The following RAPGEF5 variants were observed in gnomAD, a reference collection of about 807,000 sequenced individuals.
RAPGEF5 encodes Rap guanine nucleotide exchange factor 5.
Under a neutral mutation model 125.2 loss-of-function variants are expected in RAPGEF5, and 65 were observed. That is an observed-to-expected ratio of 0.52 (90% CI 0.43 to 0.64). The LOEUF (loss-of-function observed/expected upper bound fraction) is 0.64, where lower values mean the gene tolerates loss of function less well. Among genes scored for constraint, RAPGEF5 ranks in the 30% least tolerant of loss-of-function variants. RAPGEF5 has a pLI of 0.00. For missense variants in RAPGEF5, 958 were observed against 1,048.1 expected (o/e 0.91, Z 1.19); for synonymous variants, 391 against 385.9 (o/e 1.01, Z -0.16).
At chr7:22,171,660 G>A (rs760972415) in intron 11 of RAPGEF5, among the ~76,000 whole-genome samples, 1 of 152,076 alleles carries the variant, frequency 6.6e-6, no homozygotes, top group African/African-American at 2.4e-5. Context: ...TACCACGCCC[G>A]GCTAATTTTT....
intron 5 of RAPGEF5, among the ~76,000 whole-genome samples, chr7:22,297,439 G>A (rs555037018): frequency 4.6e-5 from 7 of 152,280 alleles, no homozygotes; most frequent in African/African-American, 1.4e-4. Flanking sequence ...GGAAAAAGAG[G>A]TAAGAGGGGA....
chr7:22,282,934 A>AATAT (rs1782707813), intron 6 of RAPGEF5, among the ~76,000 whole-genome samples: 1 of 152,144 alleles, frequency 6.6e-6, no homozygotes. Context: ...AGAATCACTA[A>AATAT]ATATGTTGTG....
chr7:22,254,743 G>T (rs1786713312), intron 7 of RAPGEF5, among the ~76,000 whole-genome samples: 1 of 152,082 alleles, frequency 6.6e-6, no homozygotes, highest in Non-Finnish European at 1.5e-5. Flanking sequence ...GAGATGGGAT[G>T]GTTTTGGGAT....
chr7:22,342,778 G>A (rs1005056730), intron 1 of RAPGEF5, among the ~76,000 whole-genome samples: 15 of 152,102 alleles, frequency 9.9e-5, no homozygotes, highest in Admixed American at 1.3e-4. Context: ...CACATTCCTC[G>A]TCTCCATCTG....
At chr7:22,250,141 T>G (rs1037035403) in intron 7 of RAPGEF5, among the ~76,000 whole-genome samples, 49 of 152,220 alleles carry the variant, frequency 3.2e-4, no homozygotes, top group Admixed American at 1.3e-4. Context: ...TGTACATGCC[T>G]TCATTGTACG....
chr7:22,352,887 A>T (rs557210656), intron 1 of RAPGEF5, among the ~76,000 whole-genome samples: 63 of 152,320 alleles, frequency 4.1e-4, no homozygotes, highest in Middle Eastern at 6.8e-3. Context: ...ACCCCTAATG[A>T]AAAGGATCTA....
intron 11 of RAPGEF5, among the ~76,000 whole-genome samples, chr7:22,178,735 A>G (rs1040283953): frequency 2.6e-5 from 4 of 152,130 alleles, no homozygotes; most frequent in Admixed American, 6.6e-5. Context: ...TCTGAATTTC[A>G]TTGTTTAGAG....
chr7:22,181,898 G>A (rs1349590963), intron 11 of RAPGEF5, among the ~76,000 whole-genome samples: 1 of 152,150 alleles, frequency 6.6e-6, no homozygotes, highest in African/African-American at 2.4e-5. Context: ...TTATAGGTAG[G>A]TTAAAAGCAA....
chr7:22,268,855 A>G lies in RAPGEF5; in HGVS notation c.748-1843T>C, dbSNP rs1053204937. On this transcript the variant is annotated intron_variant, in intron 6 of 25. Transcript: ENST00000665637. ...AAATAGAAACAGCTCAGAAAAGGAA[A>G]GGATTATATTCCCACCACTGTATAA... 1.2e-4 allele frequency among the ~76,000 whole-genome samples: 19 copies of G among 152,230 alleles called. 1 individual carries two copies. Among genetic ancestry groups the G allele is most frequent in the African/African-American group, 4.1e-4 (17 of 41,452 alleles).
chr7:22,153,398 A>G (rs1224611252), intron 17 of RAPGEF5, among the ~76,000 whole-genome samples: 5 of 152,148 alleles, frequency 3.3e-5, no homozygotes, highest in African/African-American at 1.2e-4. Flanking sequence ...TTTAGGCCAT[A>G]TGTTTCTCAA....
intron 7 of RAPGEF5, among the ~76,000 whole-genome samples, chr7:22,256,752 A>G (rs1786771227): frequency 6.6e-6 from 1 of 152,218 alleles, no homozygotes; most frequent in Non-Finnish European, 1.5e-5. Context: ...TTCCCTGGAA[A>G]AGGGAAGTAA....
At chr7:22,263,587 G>A (rs1490853100) in intron 7 of RAPGEF5, among the ~76,000 whole-genome samples, 3 of 152,022 alleles carry the variant, frequency 2.0e-5, no homozygotes, top group Middle Eastern at 3.4e-3. Flanking sequence ...AAAATTAGCC[G>A]GGTGTGGTGG....
intron 7 of RAPGEF5, among the ~76,000 whole-genome samples, chr7:22,266,650 C>A (rs1440776807): frequency 6.6e-6 from 1 of 152,130 alleles, no homozygotes; most frequent in Non-Finnish European, 1.5e-5. Flanking sequence ...AGGTGATCGG[C>A]TTACTTTGTC....
intron 24 of RAPGEF5, 101 bp downstream of exon 24, chr7:22,130,936 C>T (rs1782897038): frequency 6.9e-7 from 1 of 1,455,344 alleles, no homozygotes. Flanking sequence ...GCCATGCATC[C>T]AATGGAGAAA....
rs1783958029 is a variant in RAPGEF5, at chr7:22,333,290, G to C, written c.232-15253C>G. On this transcript the variant is annotated intron_variant, in intron 1 of 25. Transcript: ENST00000665637. ...CAGTGGGGGGTCAGGGGGAGGAGGT[G>C]AAAGAGAGAGGGCAACACTAACCAA... Among the ~76,000 whole-genome samples, 4 of 152,108 alleles carry C rather than the reference G, an allele frequency of 2.6e-5. No homozygotes were observed. In the South Asian group the frequency reaches 8.3e-4, roughly 32 times the overall value.
chr7:22,186,685 C>T (rs560460444), intron 11 of RAPGEF5, among the ~76,000 whole-genome samples: 2 of 152,200 alleles, frequency 1.3e-5, no homozygotes, highest in East Asian at 3.9e-4. Flanking sequence ...CTAAATTTTT[C>T]TAAGGTATTC....
At chr7:22,294,251 A>G (rs1783000673) in intron 5 of RAPGEF5, among the ~76,000 whole-genome samples, 1 of 152,166 alleles carries the variant, frequency 6.6e-6, no homozygotes, top group African/African-American at 2.4e-5. Flanking sequence ...GAAAGAGAAG[A>G]GAAATAGAGT....
At chr7:22,324,993 CT>C (rs1341189650) in intron 1 of RAPGEF5, among the ~76,000 whole-genome samples, 1 of 152,166 alleles carries the variant, frequency 6.6e-6, no homozygotes, top group African/African-American at 2.4e-5. Context: ...AGGTTGTCTC[CT>C]TTTTATGAGA....
chr7:22,267,334 A>G (rs1418045895), intron 6 of RAPGEF5, among the ~76,000 whole-genome samples: 1 of 152,186 alleles, frequency 6.6e-6, no homozygotes, highest in African/African-American at 2.4e-5. Context: ...ATATAATGCA[A>G]TTATGAATTA....
Sources: allele counts gnomAD v4.1 joint callset (sites outside exome capture counted in the v4.1 genomes callset), GRCh38; gene constraint gnomAD v4.1.1; transcripts MANE v1.5; gene names NCBI Gene and HGNC (gene_info 2026-07-23, HGNC 2026-07-21).